CACNA1C: variants seen among roughly 807,000 people sequenced by gnomAD.
The protein encoded by CACNA1C is voltage-dependent L-type calcium channel subunit alpha-1C.
A neutral mutation model predicts 229.0 loss-of-function variants in CACNA1C; 30 were observed. The ratio of observed to expected loss-of-function variants is 0.13; its 90% CI spans 0.10 to 0.18. CACNA1C has a LOEUF of 0.18. Ranked by LOEUF, CACNA1C falls within the 10% of genes least tolerant of loss-of-function variation. The probability of loss-of-function intolerance (pLI) is 1.00; values close to 1 mark genes in which losing one functional copy is unlikely to be tolerated. For missense variants in CACNA1C, 1,658 were observed against 2,845.0 expected, an observed-to-expected ratio of 0.58 and a Z score of 9.49; for synonymous variants, 1,114 against 1,132.5, an observed-to-expected ratio of 0.98 and a Z score of 0.33.
intron 4 of CACNA1C, among the ~76,000 whole-genome samples, chr12:2,456,482 T>C (rs1325285733): frequency 5.9e-5 from 9 of 152,176 alleles, no homozygotes; most frequent in Non-Finnish European, 1.0e-4. Context: ...CCCTATTTCC[T>C]CTCCGACTTC....
chr12:2,335,511 C>T (rs142817591), intron 3 of CACNA1C, among the ~76,000 whole-genome samples: 54 of 152,228 alleles, frequency 3.5e-4, no homozygotes, highest in African/African-American at 9.9e-4. Context: ...CACCTTTCCA[C>T]GGGTGGCAGC....
rs558373209 is a variant in CACNA1C at position 2,110,910 on chromosome 12, C to T, written c.50-4314C>T. On this transcript the variant is annotated intron_variant, in intron 1 of 46. Coordinates refer to ENST00000399655, the MANE Select transcript of CACNA1C (RefSeq NM_000719.7). Reference sequence around the variant, plus strand: ...ACTTGGAGAAGGGGAGGCCCAGGCCCGGAGGTGGTCAGTCCCGAGAGGCCA... The same window carrying T: ...ACTTGGAGAAGGGGAGGCCCAGGCCTGGAGGTGGTCAGTCCCGAGAGGCCA... Among the ~76,000 whole-genome samples the T allele has an allele frequency of 4.6e-5, 7 of 152,286 alleles. No individual in the cohort carries two copies. The South Asian group carries it at 6.2e-4, about 14-fold the overall frequency.
chr12:2,672,488 G>T (rs1449591824), intron 38 of CACNA1C, among the ~76,000 whole-genome samples: 1 of 152,228 alleles, frequency 6.6e-6, no homozygotes, highest in Non-Finnish European at 1.5e-5. Context: ...AAACTAAGGT[G>T]TCAGCAGAGT....
intron 29 of CACNA1C, among the ~76,000 whole-genome samples, chr12:2,627,145 C>T (rs1257312590): frequency 1.3e-5 from 2 of 152,146 alleles, no homozygotes; most frequent in Non-Finnish European, 2.9e-5. Flanking sequence ...CTCAAGCTAG[C>T]TGTGCAGCGT....
chr12:2,614,476 C>G (rs573401360), intron 29 of CACNA1C: 1 of 152,234 alleles, frequency 6.6e-6, no homozygotes, highest in African/African-American at 2.4e-5. Context: ...CACAAATAGA[C>G]TCCAGGTAAA....
At chr12:2,450,571 A>AC (rs1409453897) in intron 4 of CACNA1C, among the ~76,000 whole-genome samples, 1 of 149,456 alleles carries the variant, frequency 6.7e-6, no homozygotes, top group Non-Finnish European at 1.5e-5. Context: ...AAAAAAAAAA[A>AC]AAAAAAACGC....
At chr12:2,617,754 G>A (rs926365399) in intron 29 of CACNA1C, among the ~76,000 whole-genome samples, 2 of 152,242 alleles carry the variant, frequency 1.3e-5, no homozygotes, top group Admixed American at 6.5e-5. Flanking sequence ...CACTGGGCTT[G>A]TGTCGAAAGG....
intron 3 of CACNA1C, among the ~76,000 whole-genome samples, chr12:2,445,211 G>C (rs1027024605): frequency 3.9e-5 from 6 of 152,112 alleles, no homozygotes; most frequent in South Asian, 4.2e-4. Flanking sequence ...TTCATCCTTC[G>C]AGATTCAGCT....
chr12:1,978,693 C>T (rs1327900658), intron 1 of CACNA1C, among the ~76,000 whole-genome samples: 1 of 152,140 alleles, frequency 6.6e-6, no homozygotes, highest in Admixed American at 6.5e-5. Context: ...CCACCACCAG[C>T]CCCAGCAGAG....
chr12:2,514,019 A>C (rs1007751769), intron 9 of CACNA1C, among the ~76,000 whole-genome samples: 1 of 152,110 alleles, frequency 6.6e-6, no homozygotes, highest in African/African-American at 2.4e-5. Context: ...GAATAGGTGC[A>C]TTTTTGTCCT....
chr12:2,415,935 T>C (rs907307476), intron 3 of CACNA1C, among the ~76,000 whole-genome samples: 1 of 152,192 alleles, frequency 6.6e-6, no homozygotes, highest in Non-Finnish European at 1.5e-5. Context: ...TGACTCTCAG[T>C]GCTGACTGCA....
intron 3 of CACNA1C, among the ~76,000 whole-genome samples, chr12:2,190,194 G>A (rs2097167369): frequency 6.6e-6 from 1 of 152,218 alleles, no homozygotes; most frequent in Non-Finnish European, 1.5e-5. Flanking sequence ...AATTAGCAAT[G>A]TTGTACTTCT....
rs2099696033 is a variant in CACNA1C at position 2,486,046 on chromosome 12, TGGC to T, written c.758-56_758-54del. The T allele has an allele frequency of 7.2e-7, 1 of 1,379,946 alleles. No homozygotes were observed. Among genetic ancestry groups the T allele is most frequent in the South Asian group, 1.6e-5 (1 of 61,844 alleles). 85.5% of individuals were successfully genotyped at this position (1,379,946 alleles called of 1,614,324 possible). On this transcript the variant is annotated intron_variant, in intron 5 of 46. Coordinates refer to ENST00000399655, the MANE Select transcript of CACNA1C (RefSeq NM_000719.7). The surrounding 1 kb of genome is among the most constrained non-coding windows in gnomAD (Gnocchi z 4.9). ...AGAGTTGCTGGAAGATTGCATGAGATGGCGTCAGCACGGTACCGCGGTGATGCT... is the reference window on the plus strand; with the variant it reads ...AGAGTTGCTGGAAGATTGCATGAGATGTCAGCACGGTACCGCGGTGATGCT...
At chr12:1,979,393 C>T (rs2035449716) in intron 1 of CACNA1C, among the ~76,000 whole-genome samples, 1 of 152,218 alleles carries the variant, frequency 6.6e-6, no homozygotes, top group South Asian at 2.1e-4. Context: ...TGGCTCACTA[C>T]AACCTCCACC....
intron 3 of CACNA1C, among the ~76,000 whole-genome samples, chr12:2,428,223 C>T (rs2099051212): frequency 1.3e-5 from 2 of 152,216 alleles, no homozygotes; most frequent in Admixed American, 6.5e-5. Context: ...CACATCCCCA[C>T]CCTCTGTGCC....
intron 3 of CACNA1C, among the ~76,000 whole-genome samples, chr12:2,170,333 T>G (rs900692076): frequency 2.0e-5 from 3 of 152,202 alleles, no homozygotes; most frequent in African/African-American, 7.2e-5. Flanking sequence ...CTGCCGTGAC[T>G]GAGATCAGAC....
intron 13 of CACNA1C, among the ~76,000 whole-genome samples, chr12:2,578,595 C>G (rs1365111602): frequency 1.3e-5 from 2 of 152,120 alleles, no homozygotes; most frequent in Non-Finnish European, 2.9e-5. Context: ...AAAGTCAGGA[C>G]TCATTTTGAA....
At chr12:2,138,103 C>G (rs1234521963) in intron 3 of CACNA1C, among the ~76,000 whole-genome samples, 1 of 151,450 alleles carries the variant, frequency 6.6e-6, no homozygotes, top group Non-Finnish European at 1.5e-5. Context: ...GTGGGAAAAC[C>G]CCAGGGCTTT....
At chr12:2,450,631 A>G (rs2099360983) in intron 4 of CACNA1C, among the ~76,000 whole-genome samples, 1 of 148,810 alleles carries the variant, frequency 6.7e-6, no homozygotes, top group Admixed American at 6.7e-5. Context: ...GAGGGAGCCC[A>G]TTGCAGCAGA....
Sources: allele counts gnomAD v4.1 joint callset (sites outside exome capture counted in the v4.1 genomes callset), GRCh38; gene constraint gnomAD v4.1.1; non-coding constraint Gnocchi (gnomAD v3.1); transcripts MANE v1.5; gene names NCBI Gene and HGNC (gene_info 2026-07-23, HGNC 2026-07-21).